Variants in API5 observed in about 807,000 individuals in gnomAD.
API5 encodes the protein apoptosis inhibitor 5.
API5 carries 6 observed loss-of-function variants against 71.9 expected under a neutral mutation model. That is an observed-to-expected ratio of 0.08 (90% CI 0.05 to 0.16). API5 has a LOEUF of 0.16. Ranked by LOEUF, API5 falls within the 10% of genes least tolerant of loss-of-function variation. The pLI is 1.00. For missense variants in API5, 332 were observed against 612.8 expected (o/e 0.54, Z 4.84); for synonymous variants, 189 against 221.3 (o/e 0.85, Z 1.30).
rs975346809 is a variant in API5, at chr11:43,343,649, A to G, written c.*1139A>G. ...AAGATTTTAACTTCTCAGGTTATTAATCAAAATTATTGTATAAGTTAGCCA... is the reference window on the plus strand; with the variant it reads ...AAGATTTTAACTTCTCAGGTTATTAGTCAAAATTATTGTATAAGTTAGCCA... On this transcript the variant is annotated 3_prime_UTR_variant, in exon 14 of 14. Coordinates refer to ENST00000531273, the MANE Select transcript of API5 (RefSeq NM_001142930.2). The G allele has an allele frequency of 1.3e-5, 2 of 152,664 alleles. No individual in the cohort carries two copies. Among genetic ancestry groups the G allele is most frequent in the Non-Finnish European group, 1.5e-5 (1 of 68,038 alleles). 9.5% of individuals were successfully genotyped at this position (152,664 alleles called of 1,614,324 possible). A position where few individuals can be genotyped will look rare whatever the true frequency, so the allele number is the denominator to read the frequency against.
rs375173684 is a variant in API5, at chr11:43,328,665, T to A, written c.946-47T>A. 5 of 1,518,454 alleles carry A rather than the reference T, an allele frequency of 3.3e-6. No homozygotes were observed. In the African/African-American group the frequency reaches 6.9e-5, roughly 21 times the overall value. 94.1% of individuals were successfully genotyped at this position (1,518,454 alleles called of 1,614,324 possible). A position where few individuals can be genotyped will look rare whatever the true frequency, so the allele number is the denominator to read the frequency against. ...ATTCCCTGAATATCTGTTTATAATT[T>A]GAATATGTAGAACAGATTGCAAAAT... On this transcript the variant is annotated intron_variant, in intron 8 of 13. Coordinates refer to ENST00000531273, the MANE Select transcript of API5 (RefSeq NM_001142930.2).
At chr11:43,322,569 T>G (rs1285702448) in intron 5 of API5, among the ~76,000 whole-genome samples, 2 of 152,248 alleles carry the variant, frequency 1.3e-5, no homozygotes, top group Non-Finnish European at 2.9e-5. Flanking sequence ...GAGACCATGC[T>G]TGTCTTTGCT....
intron 8 of API5, among the ~76,000 whole-genome samples, chr11:43,328,264 A>C (rs529467776): frequency 2.0e-5 from 3 of 152,308 alleles, no homozygotes; most frequent in East Asian, 3.9e-4. Flanking sequence ...GCAGTACTTC[A>C]CTTGTAATGA....
intron 12 of API5, 114 bp from the exon 13 acceptor site, chr11:43,335,744 T>G: frequency 1.3e-3 from 1,505 of 1,175,474 alleles, no homozygotes; most frequent in Middle Eastern, 1.8e-3. Context: ...TTTTTTCTGA[T>G]GAGATTATCC....
chr11:43,325,265 T>G (rs921345152), intron 6 of API5, among the ~76,000 whole-genome samples: 7 of 152,154 alleles, frequency 4.6e-5, no homozygotes, highest in Non-Finnish European at 8.8e-5. Flanking sequence ...TCTGCTAAAG[T>G]TGAAGCAAGA....
At chr11:43,340,958 A>G (rs1350535403) in intron 13 of API5, among the ~76,000 whole-genome samples, 1 of 152,214 alleles carries the variant, frequency 6.6e-6, no homozygotes, top group Admixed American at 6.5e-5. Context: ...GCTTCTGTGC[A>G]GCAGAGGAAA....
Position 43,342,558 on chromosome 11 carries a change from A to C in API5, c.*48A>C. 1 of 1,578,798 alleles carries C rather than the reference A, an allele frequency of 6.3e-7. No homozygotes were observed. The highest frequency in any genetic ancestry group is 8.7e-7 in the Non-Finnish European group (1 of 1,149,090). ...CATTGTCATGAGCTTAATATACTTA[A>C]ATTCTACTACTCATTGGATTGCCGG... On this transcript the variant is annotated 3_prime_UTR_variant, in exon 14 of 14. Transcript: ENST00000531273.
At chr11:43,316,108 T>A (rs1854660014) in intron 1 of API5, among the ~76,000 whole-genome samples, 1 of 151,004 alleles carries the variant, frequency 6.6e-6, no homozygotes, top group Non-Finnish European at 1.5e-5. Flanking sequence ...TTTCATGAAA[T>A]AACCACTCTT....
chr11:43,325,489 C>T (rs1565105450), intron 6 of API5, among the ~76,000 whole-genome samples: 1 of 152,114 alleles, frequency 6.6e-6, no homozygotes, highest in East Asian at 1.9e-4. Flanking sequence ...TGAAGAAGAC[C>T]GATGATTAAT....
chr11:43,322,831 A>G (rs1854940664), intron 5 of API5, among the ~76,000 whole-genome samples: 1 of 152,236 alleles, frequency 6.6e-6, no homozygotes, highest in Admixed American at 6.5e-5. Context: ...AGCTGGGAGT[A>G]TCAGACTATT....
chr11:43,317,484 T>G (rs1168788221), intron 1 of API5, among the ~76,000 whole-genome samples: 1 of 152,172 alleles, frequency 6.6e-6, no homozygotes, highest in Non-Finnish European at 1.5e-5. Flanking sequence ...TCTGGCTATA[T>G]GGAGTGAATT....
At chr11:43,327,092 A>G (rs1015128654) in intron 7 of API5, among the ~76,000 whole-genome samples, 1 of 152,230 alleles carries the variant, frequency 6.6e-6, no homozygotes, top group Non-Finnish European at 1.5e-5. Context: ...TATCCCCAGA[A>G]TCTGGCACAA....
In API5 at chr11:43,343,040, A is replaced by T. The variant is rs558661297; in HGVS notation, c.*530A>T. 1 of 166,524 alleles carries T rather than the reference A, an allele frequency of 6.0e-6. No individual in the cohort carries two copies. The highest frequency in any genetic ancestry group is 1.7e-4 in the East Asian group (1 of 5,892). 10.3% of individuals were successfully genotyped at this position (166,524 alleles called of 1,614,324 possible). A position where few individuals can be genotyped will look rare whatever the true frequency, so the allele number is the denominator to read the frequency against. ...AATACTTACATAGCTTTCTTAAAAT[A>T]TAGGAATGACATTACATTTTTAGGA... On this transcript the variant is annotated 3_prime_UTR_variant, in exon 14 of 14. Transcript: ENST00000531273.
intron 13 of API5, among the ~76,000 whole-genome samples, chr11:43,338,141 A>T (rs1266903564): frequency 6.6e-6 from 1 of 152,228 alleles, no homozygotes; most frequent in Non-Finnish European, 1.5e-5. Flanking sequence ...AAGAAGAGTG[A>T]ATTTCTGCAA....
At chr11:43,342,186 T>A (rs1855640367) in intron 13 of API5, among the ~76,000 whole-genome samples, 4 of 152,202 alleles carry the variant, frequency 2.6e-5, no homozygotes, top group Admixed American at 2.6e-4. Flanking sequence ...ACAACTTTGT[T>A]ACTGGGATAC....
At chr11:43,324,708 C>T (rs767608731) in intron 6 of API5, among the ~76,000 whole-genome samples, 2 of 152,032 alleles carry the variant, frequency 1.3e-5, no homozygotes, top group Middle Eastern at 3.4e-3. Context: ...GACAGAGTCT[C>T]GCTCCATCCC....
At chr11:43,315,728 C>T (rs896723438) in intron 1 of API5, among the ~76,000 whole-genome samples, 4 of 152,212 alleles carry the variant, frequency 2.6e-5, no homozygotes, top group Middle Eastern at 3.4e-3. Context: ...TGCCTTTCCC[C>T]CACTCTGCCT....
intron 3 of API5, 147 bp downstream of exon 3, chr11:43,321,061 T>TA: frequency 1.5e-6 from 1 of 679,142 alleles, no homozygotes; most frequent in Non-Finnish European, 2.5e-6. Context: ...ATTCAGTAGT[T>TA]AAAGTGTAAT....
At chr11:43,323,729 G>A in intron 6 of API5, 93 bp downstream of exon 6, 1 of 1,180,804 alleles carries the variant, frequency 8.5e-7, no homozygotes, top group Non-Finnish European at 1.2e-6. Flanking sequence ...TTCCAGTAGT[G>A]TCCCTTATCT....
Sources: allele counts gnomAD v4.1 joint callset (sites outside exome capture counted in the v4.1 genomes callset), GRCh38; gene constraint gnomAD v4.1.1; transcripts MANE v1.5; gene names NCBI Gene and HGNC (gene_info 2026-07-23, HGNC 2026-07-21).